Variants in NUDCD1 observed in about 807,000 individuals in gnomAD.
NUDCD1 encodes NudC domain containing 1.
A neutral mutation model predicts 67.8 loss-of-function variants in NUDCD1; 60 were observed. The observed-to-expected ratio is 0.88, with a 90% confidence interval of 0.72 to 1.10. NUDCD1 has a LOEUF of 1.10. NUDCD1 is among the 50% of genes least tolerant of loss of function. NUDCD1 has a pLI of 0.00. For missense variants in NUDCD1, 643 were observed against 695.0 expected (o/e 0.93, Z 0.84); for synonymous variants, 244 against 230.8 (o/e 1.06, Z -0.52).
chr8:109,271,154 TA>T, intron 7 of NUDCD1, 24 bp from the exon 8 acceptor site: 1 of 1,463,218 alleles, frequency 6.8e-7, no homozygotes, highest in South Asian at 1.3e-5. Flanking sequence ...ATAAAATAAG[TA>T]AATAAGTAAA....
intron 8 of NUDCD1, among the ~76,000 whole-genome samples, chr8:109,266,208 T>A (rs971675598): frequency 6.6e-6 from 1 of 150,392 alleles, no homozygotes; most frequent in Non-Finnish European, 1.5e-5. Context: ...ACATGAAAAT[T>A]GATATAAAAA....
intron 8 of NUDCD1, among the ~76,000 whole-genome samples, chr8:109,260,185 T>C (rs949192150): frequency 1.3e-5 from 2 of 152,202 alleles, no homozygotes; most frequent in South Asian, 2.1e-4. Flanking sequence ...AATCAAATCA[T>C]ATGCTATTTT....
chr8:109,278,020 C>T (rs1471698513), intron 6 of NUDCD1, among the ~76,000 whole-genome samples: 7 of 152,180 alleles, frequency 4.6e-5, no homozygotes. Context: ...CTTGGATGCT[C>T]ATGATTTAGA....
intron 9 of NUDCD1, among the ~76,000 whole-genome samples, chr8:109,243,713 T>C (rs151298124): frequency 3.3e-5 from 5 of 152,276 alleles, no homozygotes; most frequent in Non-Finnish European, 7.4e-5. Context: ...CTTAAATAAA[T>C]TGGAAAATGT....
intron 8 of NUDCD1, among the ~76,000 whole-genome samples, chr8:109,255,549 T>C (rs1261380597): frequency 2.6e-5 from 4 of 151,638 alleles, no homozygotes; most frequent in Non-Finnish European, 4.4e-5. Flanking sequence ...TTTTTGAAAA[T>C]TATCAAATTA....
chr8:109,248,714 GAAAA>G (rs78072773), intron 8 of NUDCD1, among the ~76,000 whole-genome samples: 1 of 99,984 alleles, frequency 1.0e-5, no homozygotes, highest in Admixed American at 1.0e-4. Context: ...CCACTGTTTG[GAAAA>G]AAAAAAAAAA....
Position 109,293,351 on chromosome 8 carries a change from T to C in NUDCD1, c.633A>G (p.Lys211=), listed in dbSNP as rs150705202. The part of the protein sequence containing the change: ...VSLEWVTISK[K]NQDNKKYEII... ...TTCAGACTTTTGTTTTACCTTGATTTTTCTTACTGATAGTGACCCACTCCA... is the reference window on the plus strand; with the variant it reads ...TTCAGACTTTTGTTTTACCTTGATTCTTCTTACTGATAGTGACCCACTCCA... Residue 211 remains lysine, a synonymous_variant, in exon 4 of 10, where the codon AAA becomes AAG. Coordinates refer to ENST00000239690, the MANE Select transcript of NUDCD1 (RefSeq NM_032869.4). The C allele has an allele frequency of 8.2e-5, 126 of 1,540,172 alleles. No homozygotes were observed. The African/African-American group carries it at 1.4e-3, about 18-fold the overall frequency.
At chr8:109,249,239 C>G (rs1218965581) in intron 8 of NUDCD1, among the ~76,000 whole-genome samples, 1 of 152,120 alleles carries the variant, frequency 6.6e-6, no homozygotes, top group Non-Finnish European at 1.5e-5. Flanking sequence ...TAGGAAAGCC[C>G]TTAATAAGTA....
rs777477561 is a variant in NUDCD1 at position 109,243,150 on chromosome 8, C to T, written c.1611G>A (p.Arg537=). 6.2e-6 allele frequency: 10 copies of T among 1,613,778 alleles called. No individual in the cohort carries two copies. In the African/African-American group the frequency reaches 1.2e-4, roughly 19 times the overall value. ...GCTGCTTAGCAACCTGTCCTACTTG[C>T]CTGCCTTCCTTTCTGTTGTAAAGTA... ...STVLYNRKEG[R]QVGQVAKQQV... is the part of the protein sequence containing the mutation. Residue 537 remains arginine, a synonymous_variant, in exon 10 of 10, where the codon AGG becomes AGA. Transcript: ENST00000239690.
chr8:109,251,393 G>C (rs1436951077), intron 8 of NUDCD1, among the ~76,000 whole-genome samples: 1 of 151,774 alleles, frequency 6.6e-6, no homozygotes, highest in African/African-American at 2.4e-5. Flanking sequence ...GGCTGGTCTT[G>C]AACTCCTGAC....
intron 8 of NUDCD1, among the ~76,000 whole-genome samples, chr8:109,247,779 T>C (rs1158468133): frequency 1.3e-5 from 2 of 152,246 alleles, no homozygotes; most frequent in African/African-American, 4.8e-5. Flanking sequence ...TATGAGCTGC[T>C]TGAATTCTGA....
At chr8:109,271,588 TG>T (rs1431642435) in intron 7 of NUDCD1, among the ~76,000 whole-genome samples, 1 of 152,008 alleles carries the variant, frequency 6.6e-6, no homozygotes, top group Non-Finnish European at 1.5e-5. Flanking sequence ...CAATATCAAA[TG>T]GTCTAGCATA....
intron 8 of NUDCD1, among the ~76,000 whole-genome samples, chr8:109,252,635 C>T (rs1384165912): frequency 6.6e-6 from 1 of 152,208 alleles, no homozygotes; most frequent in African/African-American, 2.4e-5. Flanking sequence ...TTACGGGTCA[C>T]ACCACGTCTT....
intron 2 of NUDCD1, among the ~76,000 whole-genome samples, chr8:109,301,162 C>T (rs1438873785): frequency 6.6e-6 from 1 of 152,158 alleles, no homozygotes; most frequent in Non-Finnish European, 1.5e-5. Context: ...AACTGAAGAT[C>T]CACAAAAGAA....
chr8:109,293,477 A>G lies in NUDCD1; in HGVS notation c.507T>C (p.Ser169=), dbSNP rs1302809699. The part of the protein sequence containing the change: ...ELGDPFIIIH[S]ISLLNAEEHS... ...GTTCTTCAGCATTTAGCAGTGAGAT[A>G]CTGTGAATTATAATAAAAGGATCCC... Residue 169 remains serine (S), a synonymous_variant, in exon 4 of 10, where the codon AGT becomes AGC. Transcript: ENST00000239690. 6.4e-7 allele frequency: 1 copy of G among 1,574,694 alleles called. No homozygotes were observed.
In NUDCD1 at chr8:109,307,958, C is replaced by A. The variant is rs1286414005; in HGVS notation, c.274-11389G>T. 2.0e-5 allele frequency among the ~76,000 whole-genome samples: 3 copies of A among 152,082 alleles called. No homozygotes were observed. The East Asian group carries it at 5.8e-4, about 29-fold the overall frequency. ...AACATATATGCACCTAACACTGGAG[C>A]TCCAAAATTTATAAAACAATTACTA... On this transcript the variant is annotated intron_variant, in intron 2 of 9. Coordinates refer to ENST00000239690, the MANE Select transcript of NUDCD1 (RefSeq NM_032869.4).
chr8:109,319,754 T>C (rs1358072624), intron 2 of NUDCD1, among the ~76,000 whole-genome samples: 2 of 152,188 alleles, frequency 1.3e-5, no homozygotes, highest in East Asian at 1.9e-4. Context: ...TAAACGTATA[T>C]GCAAAGATGA....
intron 8 of NUDCD1, among the ~76,000 whole-genome samples, chr8:109,259,415 G>C (rs1045518522): frequency 4.8e-4 from 73 of 152,284 alleles, no homozygotes; most frequent in African/African-American, 1.7e-3. Context: ...AGGCTAACTT[G>C]TTAGCTTGCA....
intron 5 of NUDCD1, among the ~76,000 whole-genome samples, chr8:109,286,553 G>T (rs1814578678): frequency 6.6e-6 from 1 of 152,110 alleles, no homozygotes; most frequent in Non-Finnish European, 1.5e-5. Flanking sequence ...TTCAATAAGG[G>T]TGCTGGGATA....
Sources: gnomAD v4.1 joint callset for allele counts (sites outside exome capture counted in the v4.1 genomes callset) on GRCh38, gnomAD v4.1.1 for gene constraint, MANE v1.5 for transcripts, NCBI Gene and HGNC (gene_info 2026-07-23, HGNC 2026-07-21) for gene names.